The following ADGRL2 variants were observed in gnomAD, a reference collection of about 807,000 sequenced individuals.
ADGRL2 encodes adhesion G protein-coupled receptor L2.
A neutral mutation model predicts 157.4 loss-of-function variants in ADGRL2; 44 were observed. The ratio of observed to expected loss-of-function variants is 0.28; its 90% CI spans 0.22 to 0.36. ADGRL2 has a LOEUF of 0.36. ADGRL2 is among the 10% of genes least tolerant of loss of function. The pLI, the probability that ADGRL2 is intolerant of heterozygous loss-of-function variation, is 1.00. For missense variants in ADGRL2, 1,510 were observed against 1,768.9 expected, an observed-to-expected ratio of 0.85 and a Z score of 2.63; for synonymous variants, 585 against 624.7, an observed-to-expected ratio of 0.94 and a Z score of 0.95.
At chr1:81,750,759 A>G (rs1280502545) in intron 1 of ADGRL2, among the ~76,000 whole-genome samples, 1 of 152,124 alleles carries the variant, frequency 6.6e-6, no homozygotes, top group East Asian at 1.9e-4. Flanking sequence ...CAGAGAAACT[A>G]CATTGGACCC....
At chr1:81,803,539 C>T (rs2088639303) in intron 1 of ADGRL2, among the ~76,000 whole-genome samples, 1 of 152,016 alleles carries the variant, frequency 6.6e-6, no homozygotes, top group Admixed American at 6.5e-5. Context: ...GACTCCTCCT[C>T]CTCATCTTTT....
At chr1:81,670,330 G>C (rs2082848333) in intron 3 of ADGRL2, among the ~76,000 whole-genome samples, 1 of 152,142 alleles carries the variant, frequency 6.6e-6, no homozygotes, top group Non-Finnish European at 1.5e-5. Context: ...CACTTATGCT[G>C]ACTTACCTTG....
At chr1:81,477,563 T>C (rs1447580545) in intron 2 of ADGRL2, among the ~76,000 whole-genome samples, 1 of 152,096 alleles carries the variant, frequency 6.6e-6, no homozygotes, top group Non-Finnish European at 1.5e-5. Flanking sequence ...AATGAGAAAA[T>C]GTAGACTACA....
At chr1:81,711,676 A>T (rs375188853) in intron 1 of ADGRL2, among the ~76,000 whole-genome samples, 10 of 152,296 alleles carry the variant, frequency 6.6e-5, no homozygotes, top group East Asian at 5.8e-4. Context: ...CACAGTTTTA[A>T]TTTATGCTAA....
At chr1:81,335,523 T>A (rs772470142) in intron 1 of ADGRL2, among the ~76,000 whole-genome samples, 24 of 152,164 alleles carry the variant, frequency 1.6e-4, no homozygotes, top group Non-Finnish European at 3.2e-4. Context: ...CAAAAACACA[T>A]AATTTAGTGT....
intron 2 of ADGRL2, among the ~76,000 whole-genome samples, chr1:81,509,561 T>C (rs1206498317): frequency 6.6e-6 from 1 of 152,172 alleles, no homozygotes; most frequent in East Asian, 1.9e-4. Flanking sequence ...GCCTGCATTG[T>C]GGTAGAAATC....
At chr1:81,550,830 A>G (rs571405082) in intron 2 of ADGRL2, among the ~76,000 whole-genome samples, 2 of 152,240 alleles carry the variant, frequency 1.3e-5, no homozygotes, top group East Asian at 3.9e-4. Context: ...TTTACAGAAA[A>G]AAAAAAAAAA....
At chr1:81,860,095 G>T (rs1052367315) in intron 2 of ADGRL2, among the ~76,000 whole-genome samples, 3 of 151,950 alleles carry the variant, frequency 2.0e-5, no homozygotes, top group Non-Finnish European at 4.4e-5. Context: ...GTAATGGCAG[G>T]TGCTTGTAAT....
At chr1:81,844,295 T>A (rs183391827) in intron 2 of ADGRL2, among the ~76,000 whole-genome samples, 3 of 152,186 alleles carry the variant, frequency 2.0e-5, no homozygotes, top group Non-Finnish European at 4.4e-5. Flanking sequence ...CAGGAGGCAT[T>A]TAAAGCACCT....
At chr1:81,895,393 C>CTTTTTTTTTTTTTTTTTTTTTTTTTTTTT (rs34557038) in intron 2 of ADGRL2, among the ~76,000 whole-genome samples, 1 of 97,572 alleles carries the variant, frequency 1.0e-5, no homozygotes, top group Non-Finnish European at 1.9e-5. Context: ...TTAAATGTAT[C>CTTTTTTTTTTTTTTTTTTTTTTTTTTTTT]TTTTTTTTTT....
Position 81,755,565 on chromosome 1 carries a change from A to T in ADGRL2, c.-142-6246A>T, listed in dbSNP as rs1311801719. 8.5e-5 allele frequency among the ~76,000 whole-genome samples: 13 copies of T among 152,122 alleles called. 1 individual carries two copies. On this transcript the variant is annotated intron_variant, in intron 1 of 20. Transcript: ENST00000359929. ...TTGACTTGTTTTCAAAAAGTCACTG[A>T]GACCACAATTATTTTACTGAGAAAC...
intron 18 of ADGRL2, chr1:81,980,898 G>C: frequency 1.6e-6 from 1 of 612,726 alleles, no homozygotes; most frequent in South Asian, 2.2e-5. Context: ...TTACAAATTC[G>C]TCAGTATCAT....
At chr1:81,604,740 C>T (rs2148648087) in intron 3 of ADGRL2, among the ~76,000 whole-genome samples, 1 of 152,182 alleles carries the variant, frequency 6.6e-6, no homozygotes, top group East Asian at 1.9e-4. Flanking sequence ...GTAGCAGCAG[C>T]ATCTTCTCAT....
chr1:81,990,206 T>A (rs1664312305), intron 23 of ADGRL2, 185 bp from the exon 24 acceptor site: 1 of 985,284 alleles, frequency 1.0e-6, no homozygotes, highest in African/African-American at 1.7e-5. Context: ...TAACACTTTT[T>A]CCTGTTATCT....
chr1:81,364,609 TTG>T (rs1202520989), intron 1 of ADGRL2, among the ~76,000 whole-genome samples: 1 of 151,984 alleles, frequency 6.6e-6, no homozygotes, highest in African/African-American at 2.4e-5. Context: ...AACTGAAAAA[TTG>T]TAAGCAGTAC....
intron 3 of ADGRL2, among the ~76,000 whole-genome samples, chr1:81,611,898 A>G (rs1446713574): frequency 6.6e-6 from 1 of 152,010 alleles, no homozygotes; most frequent in Non-Finnish European, 1.5e-5. Flanking sequence ...GGGAGTTCTC[A>G]CGAGATCTGG....
chr1:81,567,442 A>G (rs1395139903), intron 2 of ADGRL2, among the ~76,000 whole-genome samples: 2 of 152,052 alleles, frequency 1.3e-5, no homozygotes, highest in East Asian at 1.9e-4. Context: ...TCTGATCTAT[A>G]TCATGAATAC....
At chr1:81,443,619 C>T (rs2077548614) in intron 1 of ADGRL2, among the ~76,000 whole-genome samples, 1 of 152,106 alleles carries the variant, frequency 6.6e-6, no homozygotes, top group Admixed American at 6.5e-5. Flanking sequence ...GCATTCAGAA[C>T]CTATATACAA....
intron 1 of ADGRL2, among the ~76,000 whole-genome samples, chr1:81,326,135 C>T (rs1464807631): frequency 2.6e-5 from 4 of 152,100 alleles, no homozygotes; most frequent in Non-Finnish European, 4.4e-5. Flanking sequence ...AAGAATCAGC[C>T]ACACAACTAA....
Sources: allele counts gnomAD v4.1 joint callset (sites outside exome capture counted in the v4.1 genomes callset), GRCh38; gene constraint gnomAD v4.1.1; transcripts MANE v1.5; gene names NCBI Gene and HGNC (gene_info 2026-07-23, HGNC 2026-07-21).